Variants in ROBO2 observed in about 807,000 individuals in gnomAD.
ROBO2 encodes roundabout homolog 2.
Under a neutral mutation model 160.8 loss-of-function variants are expected in ROBO2, and 53 were observed. The ratio of observed to expected loss-of-function variants is 0.33; its 90% CI spans 0.26 to 0.41. The LOEUF (loss-of-function observed/expected upper bound fraction) is 0.41, where lower values mean the gene tolerates loss of function less well. ROBO2 is among the 10% of genes least tolerant of loss of function. The probability of loss-of-function intolerance (pLI) is 1.00; values close to 1 mark genes in which losing one functional copy is unlikely to be tolerated. For missense variants in ROBO2, 1,577 were observed against 1,722.4 expected (o/e 0.92, Z 1.49); for synonymous variants, 664 against 611.7 (o/e 1.09, Z -1.26).
chr3:76,017,664 A>G (rs1043831007), intron 2 of ROBO2, among the ~76,000 whole-genome samples: 5 of 152,090 alleles, frequency 3.3e-5, no homozygotes, highest in African/African-American at 9.7e-5. Context: ...GGTAATTTAT[A>G]TACATACCAA....
In ROBO2 at chr3:76,879,491, T is replaced by G. The variant is rs11127565; in HGVS notation, c.110-218523T>G. On this transcript the variant is annotated intron_variant, in intron 2 of 26. Transcript: ENST00000487694. ...GAACTCTCTTCCTCTGAAAAAATAA[T>G]ATGAAGAAGAAAATTCAAATTTAAA... Among the ~76,000 whole-genome samples the G allele has an allele frequency of 2.5e-3, 378 of 152,098 alleles. 2 individuals carry two copies. Among genetic ancestry groups the G allele is most frequent in the African/African-American group, 8.9e-3 (368 of 41,494 alleles).
chr3:76,703,083 T>C (rs903604085), intron 2 of ROBO2, among the ~76,000 whole-genome samples: 1 of 152,086 alleles, frequency 6.6e-6, no homozygotes, highest in African/African-American at 2.4e-5. Flanking sequence ...ACTACTAGTG[T>C]TTGTATTGAA....
intron 2 of ROBO2, among the ~76,000 whole-genome samples, chr3:76,224,417 T>C (rs919522873): frequency 2.0e-5 from 3 of 152,192 alleles, no homozygotes; most frequent in Admixed American, 2.0e-4. Context: ...TAGGAGGAGA[T>C]AGCTGTCCCA....
chr3:76,122,142 G>A (rs2070776460), intron 2 of ROBO2, among the ~76,000 whole-genome samples: 1 of 152,108 alleles, frequency 6.6e-6, no homozygotes, highest in African/African-American at 2.4e-5. Flanking sequence ...TTTTACAGAT[G>A]AAGAAAAAAT....
In ROBO2 at chr3:76,793,146, A is replaced by C. The variant is rs150335633; in HGVS notation, c.110-304868A>C. On this transcript the variant is annotated intron_variant, in intron 2 of 26. Transcript: ENST00000487694. The stretch of plus-strand genomic sequence containing the variant: ...TATAGAAAAATCACACTTCTGTAAG[A>C]CTGTATTTATAATATTGAGACTAGT... Among the ~76,000 whole-genome samples, 266 of 151,926 alleles carry C rather than the reference A, an allele frequency of 1.8e-3. 1 individual carries two copies. The highest frequency in any genetic ancestry group is 6.1e-3 in the African/African-American group (252 of 41,514).
intron 2 of ROBO2, among the ~76,000 whole-genome samples, chr3:76,515,434 A>G (rs1313903661): frequency 1.3e-5 from 2 of 152,090 alleles, no homozygotes; most frequent in Non-Finnish European, 2.9e-5. Context: ...GGAATATAGT[A>G]CATCTCCTTT....
At chr3:76,851,956 C>T (rs926982292) in intron 2 of ROBO2, among the ~76,000 whole-genome samples, 1 of 151,904 alleles carries the variant, frequency 6.6e-6, no homozygotes, top group Middle Eastern at 3.4e-3. Flanking sequence ...GCAGAACATT[C>T]ATTAGGCTTA....
chr3:76,576,730 A>T (rs2108661480), intron 2 of ROBO2, among the ~76,000 whole-genome samples: 1 of 103,862 alleles, frequency 9.6e-6, no homozygotes, highest in Non-Finnish European at 1.9e-5. Flanking sequence ...TTTGACAGAG[A>T]TTGCACCACT....
intron 2 of ROBO2, among the ~76,000 whole-genome samples, chr3:77,346,928 G>A (rs531258172): frequency 5.7e-4 from 87 of 152,248 alleles, no homozygotes; most frequent in Middle Eastern, 6.8e-3. Context: ...GGGCCTACCT[G>A]TATAATTCAA....
intron 2 of ROBO2, among the ~76,000 whole-genome samples, chr3:76,610,134 G>A (rs942974516): frequency 2.0e-5 from 3 of 152,130 alleles, no homozygotes; most frequent in African/African-American, 7.2e-5. Flanking sequence ...TTTTTGCATC[G>A]ATGTTCATCA....
intron 2 of ROBO2, among the ~76,000 whole-genome samples, chr3:76,724,369 A>G (rs1051141448): frequency 1.8e-4 from 28 of 152,094 alleles, no homozygotes; most frequent in African/African-American, 5.8e-4. Context: ...TCCAACTACC[A>G]TCTTGACTGC....
At chr3:76,682,422 C>CATTTTAT (rs58209079) in intron 2 of ROBO2, among the ~76,000 whole-genome samples, 1 of 151,308 alleles carries the variant, frequency 6.6e-6, no homozygotes, top group Non-Finnish European at 1.5e-5. Context: ...TTAAAAATTT[C>CATTTTAT]TTTTGAGACG....
At chr3:76,145,458 G>T (rs1194794387) in intron 2 of ROBO2, among the ~76,000 whole-genome samples, 1 of 151,934 alleles carries the variant, frequency 6.6e-6, no homozygotes, top group Non-Finnish European at 1.5e-5. Flanking sequence ...TTATAATCAT[G>T]ACTTCAATAA....
chr3:77,287,261 AT>A (rs1332051973), intron 2 of ROBO2, among the ~76,000 whole-genome samples: 1 of 152,178 alleles, frequency 6.6e-6, no homozygotes, highest in African/African-American at 2.4e-5. Flanking sequence ...TTGCAAAAAA[AT>A]CTTATAGCGT....
intron 2 of ROBO2, among the ~76,000 whole-genome samples, chr3:76,332,007 A>T (rs2073526968): frequency 6.6e-6 from 1 of 152,188 alleles, no homozygotes; most frequent in Non-Finnish European, 1.5e-5. Context: ...ATTTAAACTA[A>T]TAGAAGATTT....
chr3:77,389,424 T>C (rs2074480791), intron 2 of ROBO2, among the ~76,000 whole-genome samples: 1 of 152,178 alleles, frequency 6.6e-6, no homozygotes, highest in African/African-American at 2.4e-5. Flanking sequence ...GTGGCTACTT[T>C]ATTAGGCACC....
chr3:77,299,713 C>A (rs1326314077), intron 2 of ROBO2, among the ~76,000 whole-genome samples: 1 of 152,004 alleles, frequency 6.6e-6, no homozygotes, highest in Non-Finnish European at 1.5e-5. Flanking sequence ...GTGGGGGACA[C>A]ATCAGGAGAC....
chr3:76,173,033 TA>T (rs2073101168), intron 2 of ROBO2, among the ~76,000 whole-genome samples: 1 of 151,950 alleles, frequency 6.6e-6, no homozygotes, highest in African/African-American at 2.4e-5. Context: ...CCCAACTATG[TA>T]AAATTCATCA....
At chr3:77,036,441 A>G (rs954042645), upstream of ROBO2, among the ~76,000 whole-genome samples, 8 of 152,102 alleles carry the variant, frequency 5.3e-5, no homozygotes, top group African/African-American at 1.7e-4. Flanking sequence ...TCCTTGGGGA[A>G]TCTGGTATGA....
Sources: allele counts gnomAD v4.1 joint callset (sites outside exome capture counted in the v4.1 genomes callset), GRCh38; gene constraint gnomAD v4.1.1; transcripts MANE v1.5; gene names NCBI Gene and HGNC (gene_info 2026-07-23, HGNC 2026-07-21).